Variants in MSRB3 observed in about 807,000 individuals in gnomAD.
The protein encoded by MSRB3 is methionine sulfoxide reductase B3.
MSRB3 carries 13 observed loss-of-function variants against 21.0 expected under a neutral mutation model. The observed-to-expected ratio is 0.62, with a 90% CI of 0.40 to 0.98. The LOEUF is 0.98. Ranked by LOEUF, MSRB3 falls within the 50% of genes least tolerant of loss-of-function variation. The pLI is 0.00. For synonymous variants in MSRB3, 87 were observed against 88.6 expected, an observed-to-expected ratio of 0.98 and a Z score of 0.10; for missense variants, 199 against 230.3, an observed-to-expected ratio of 0.86 and a Z score of 0.88.
intron 4 of MSRB3, among the ~76,000 whole-genome samples, chr12:65,357,524 C>T (rs192189144): frequency 8.6e-5 from 13 of 152,002 alleles, no homozygotes; most frequent in East Asian, 1.9e-4. Context: ...AATATTGGTA[C>T]GTAATTATTA....
intron 4 of MSRB3, among the ~76,000 whole-genome samples, chr12:65,364,112 A>G (rs1877867441): frequency 1.3e-5 from 2 of 152,140 alleles, no homozygotes; most frequent in African/African-American, 4.8e-5. Context: ...TGGCTACTTC[A>G]GCTCCTGGAA....
At chr12:65,342,393 T>C (rs1876204066) in intron 4 of MSRB3, among the ~76,000 whole-genome samples, 1 of 151,956 alleles carries the variant, frequency 6.6e-6, no homozygotes, top group Non-Finnish European at 1.5e-5. Context: ...AAAAAATCTT[T>C]CACCTCTTAA....
chr12:65,390,546 G>A (rs1430069627), intron 5 of MSRB3, among the ~76,000 whole-genome samples: 2 of 152,096 alleles, frequency 1.3e-5, no homozygotes, highest in African/African-American at 2.4e-5. Context: ...GTTTACTCTT[G>A]AATATTACTA....
intron 5 of MSRB3, among the ~76,000 whole-genome samples, chr12:65,443,383 C>G (rs2136684332): frequency 6.6e-6 from 1 of 152,118 alleles, no homozygotes; most frequent in South Asian, 2.1e-4. Context: ...TGAAGAAATG[C>G]ACTATTTTTG....
intron 1 of MSRB3, chr12:65,285,477 G>C (rs1055067121): frequency 6.6e-6 from 1 of 152,142 alleles, no homozygotes; most frequent in African/African-American, 2.4e-5. Flanking sequence ...TTATTTACAC[G>C]ATTAAAGAGG....
At chr12:65,316,742 T>G (rs1874324402) in intron 2 of MSRB3, among the ~76,000 whole-genome samples, 1 of 152,254 alleles carries the variant, frequency 6.6e-6, no homozygotes, top group Admixed American at 6.5e-5. Context: ...TACTTGAAGG[T>G]TTGACGATTC....
intron 5 of MSRB3, among the ~76,000 whole-genome samples, chr12:65,389,906 A>G (rs370050798): frequency 6.6e-6 from 1 of 152,194 alleles, no homozygotes; most frequent in African/African-American, 2.4e-5. Flanking sequence ...CCTTGGCACT[A>G]TTCTGCAGTC....
Position 65,293,387 on chromosome 12 carries a change from T to C in MSRB3, c.-52+14522T>C, listed in dbSNP as rs534290566. The stretch of plus-strand genomic sequence containing the variant: ...TTTGGGACGAAGTTCCAAATTCTTA[T>C]ACTGGCTTCTAAGGTTTGCACCTGT... On this transcript the variant is annotated intron_variant, in intron 1 of 6. Transcript: ENST00000308259. Among the ~76,000 whole-genome samples the C allele has an allele frequency of 2.0e-5, 3 of 152,322 alleles. No homozygotes were observed. The East Asian group carries it at 5.8e-4, about 29-fold the overall frequency.
intron 2 of MSRB3, among the ~76,000 whole-genome samples, chr12:65,318,692 G>A (rs984067217): frequency 2.7e-4 from 41 of 152,160 alleles, no homozygotes; most frequent in African/African-American, 9.6e-4. Flanking sequence ...TTATTTATAC[G>A]CCTTGCAAGC....
intron 4 of MSRB3, among the ~76,000 whole-genome samples, chr12:65,331,339 G>A (rs1030352693): frequency 1.3e-5 from 2 of 152,108 alleles, no homozygotes; most frequent in African/African-American, 4.8e-5. Context: ...AAGAATACAG[G>A]AATAGCAGAC....
chr12:65,420,465 A>T (rs1410055926), intron 5 of MSRB3, among the ~76,000 whole-genome samples: 1 of 150,848 alleles, frequency 6.6e-6, no homozygotes, highest in South Asian at 2.1e-4. Context: ...TTATTTTTTT[A>T]AATTTTTAAT....
intron 5 of MSRB3, among the ~76,000 whole-genome samples, chr12:65,440,242 CA>C (rs1326785328): frequency 6.6e-6 from 1 of 151,602 alleles, no homozygotes; most frequent in African/African-American, 2.4e-5. Context: ...ATGTATAATT[CA>C]GGGGGAGGAA....
intron 5 of MSRB3, among the ~76,000 whole-genome samples, chr12:65,448,693 T>C (rs1882726529): frequency 6.6e-6 from 1 of 152,212 alleles, no homozygotes; most frequent in Admixed American, 6.5e-5. Flanking sequence ...TTTTATTTAA[T>C]TTTAATTAAT....
intron 5 of MSRB3, chr12:65,419,239 C>T (rs980260741): frequency 9.8e-5 from 71 of 722,390 alleles, no homozygotes; most frequent in East Asian, 1.8e-4. Flanking sequence ...TCAGTTCTTC[C>T]GAGCCAGCTC....
intron 2 of MSRB3, among the ~76,000 whole-genome samples, chr12:65,312,509 T>C (rs66584980): frequency 0.17 from 25,137 of 152,040 alleles, 2,410 homozygotes; most frequent in Non-Finnish European, 0.21. Flanking sequence ...AAATAAAATT[T>C]GTCTAAATAG....
At chr12:65,414,679 G>A (rs562413521) in intron 5 of MSRB3, among the ~76,000 whole-genome samples, 10 of 152,220 alleles carry the variant, frequency 6.6e-5, no homozygotes, top group Non-Finnish European at 1.2e-4. Context: ...ATCCCCATCC[G>A]TAAGCAACAT....
intron 5 of MSRB3, among the ~76,000 whole-genome samples, chr12:65,444,972 T>C (rs1269180164): frequency 1.3e-5 from 2 of 152,232 alleles, no homozygotes; most frequent in Non-Finnish European, 2.9e-5. Flanking sequence ...CTGTCTTTTA[T>C]GTTGTGATGA....
Position 65,279,018 on chromosome 12 carries a change from G to A in MSRB3, c.-52+153G>A, listed in dbSNP as rs570134760. 237 of 1,457,872 alleles carry A rather than the reference G, an allele frequency of 1.6e-4. No homozygotes were observed. In the East Asian group the frequency reaches 4.1e-3, roughly 25 times the overall value. 90.3% of individuals were successfully genotyped at this position (1,457,872 alleles called of 1,614,324 possible). The stretch of plus-strand genomic sequence containing the variant: ...GGACAGCCCCTGCCTCAGCCGAGAA[G>A]GGGAGCAGAAGGGTTGCGCCCCGCG... On this transcript the variant is annotated intron_variant, in intron 1 of 6. Coordinates refer to ENST00000308259, the MANE Select transcript of MSRB3 (RefSeq NM_001031679.3).
At chr12:65,419,335 A>T in intron 5 of MSRB3, 2 of 758,274 alleles carry the variant, frequency 2.6e-6, no homozygotes, top group South Asian at 2.7e-5. Flanking sequence ...ACCAGAGCTG[A>T]CAATCTGGGC....
Sources: allele counts gnomAD v4.1 joint callset (sites outside exome capture counted in the v4.1 genomes callset), GRCh38; gene constraint gnomAD v4.1.1; transcripts MANE v1.5; gene names NCBI Gene and HGNC (gene_info 2026-07-23, HGNC 2026-07-21).